CACNA2D3: variants seen among roughly 807,000 people sequenced by gnomAD.
CACNA2D3 encodes the protein calcium voltage-gated channel auxiliary subunit alpha2delta 3, also known as voltage-dependent calcium channel subunit alpha-2/delta-3.
Under a neutral mutation model 160.6 loss-of-function variants are expected in CACNA2D3, and 60 were observed. The ratio of observed to expected loss-of-function variants is 0.37; its 90% CI spans 0.30 to 0.46. The LOEUF (loss-of-function observed/expected upper bound fraction) is 0.46, where lower values mean the gene tolerates loss of function less well. CACNA2D3 is among the 20% of genes least tolerant of loss of function. CACNA2D3 has a pLI of 1.00. For missense variants in CACNA2D3, 1,205 were observed against 1,365.0 expected (o/e 0.88, Z 1.85); for synonymous variants, 558 against 492.9 (o/e 1.13, Z -1.75).
chr3:55,038,907 T>TATATATAC (rs1553636480), intron 35 of CACNA2D3, among the ~76,000 whole-genome samples: 11 of 113,060 alleles, frequency 9.7e-5, no homozygotes, highest in African/African-American at 3.2e-4. Flanking sequence ...TATATATATA[T>TATATATAC]ACACACACTG....
Position 54,355,726 on chromosome 3 carries a change from G to T in CACNA2D3, c.322-30989G>T, listed in dbSNP as rs189167626. On this transcript the variant is annotated intron_variant, in intron 3 of 37. Coordinates refer to ENST00000474759, the MANE Select transcript of CACNA2D3 (RefSeq NM_018398.3). ...GGCCTAAGCCCAGGGCAGGAGTAAAGGTAGGACATGGAGGCCTTGGAGGAT... is the reference window on the plus strand; with the variant it reads ...GGCCTAAGCCCAGGGCAGGAGTAAATGTAGGACATGGAGGCCTTGGAGGAT... Among the ~76,000 whole-genome samples, 951 of 152,200 alleles carry T rather than the reference G, an allele frequency of 6.2e-3. 5 individuals are homozygous for T. The highest frequency in any genetic ancestry group is 0.022 in the African/African-American group (894 of 41,554).
intron 2 of CACNA2D3, among the ~76,000 whole-genome samples, chr3:54,259,549 G>T (rs546779139): frequency 3.9e-5 from 6 of 152,116 alleles, no homozygotes; most frequent in Non-Finnish European, 7.4e-5. Context: ...TGCTTTTACC[G>T]TGTGGTGGGA....
intron 31 of CACNA2D3, among the ~76,000 whole-genome samples, chr3:54,996,993 A>C (rs1702872643): frequency 6.6e-6 from 1 of 152,042 alleles, no homozygotes; most frequent in South Asian, 2.1e-4. Context: ...GGACACAGGG[A>C]GGGGAACATC....
chr3:54,125,242 T>TACACACA (rs1699566168), intron 2 of CACNA2D3, among the ~76,000 whole-genome samples: 1 of 147,944 alleles, frequency 6.8e-6, no homozygotes, highest in Non-Finnish European at 1.5e-5. Context: ...TCTTTGAAGT[T>TACACACA]ACACACACAC....
chr3:54,172,570 A>G (rs369448460), intron 2 of CACNA2D3, among the ~76,000 whole-genome samples: 1 of 152,236 alleles, frequency 6.6e-6, no homozygotes, highest in Non-Finnish European at 1.5e-5. Flanking sequence ...TACTAATTCT[A>G]TATAACATAT....
chr3:54,272,626 G>C (rs1702643504), intron 2 of CACNA2D3: 1 of 151,694 alleles, frequency 6.6e-6, no homozygotes, highest in Non-Finnish European at 1.5e-5. Context: ...AGACACAGCT[G>C]GGTCTGGCTG....
At chr3:54,217,106 A>G (rs1032332871) in intron 2 of CACNA2D3, among the ~76,000 whole-genome samples, 10 of 152,180 alleles carry the variant, frequency 6.6e-5, no homozygotes, top group Admixed American at 2.6e-4. Flanking sequence ...ACAGTGAGCA[A>G]GGCACAGTGT....
At chr3:54,749,520 C>T (rs1267070216) in intron 11 of CACNA2D3, among the ~76,000 whole-genome samples, 2 of 151,700 alleles carry the variant, frequency 1.3e-5, no homozygotes, top group African/African-American at 4.8e-5. Context: ...TTTGTTATTC[C>T]AGCTATAAGA....
intron 11 of CACNA2D3, among the ~76,000 whole-genome samples, chr3:54,726,312 A>G (rs926407863): frequency 1.3e-5 from 2 of 152,230 alleles, no homozygotes; most frequent in Non-Finnish European, 2.9e-5. Context: ...GGAAGAATCA[A>G]TATGGTGAAA....
chr3:54,626,711 AAAG>A (rs1699123163), intron 9 of CACNA2D3: 3 of 713,498 alleles, frequency 4.2e-6, no homozygotes, highest in African/African-American at 4.5e-5. Context: ...AAAAAAAAAG[AAAG>A]AAAAAGAAAG....
chr3:54,408,502 TAGAA>T (rs765165235), intron 4 of CACNA2D3, among the ~76,000 whole-genome samples: 5 of 152,186 alleles, frequency 3.3e-5, no homozygotes, highest in Non-Finnish European at 7.3e-5. Flanking sequence ...TCAGCATAAA[TAGAA>T]AGACCCATCT....
intron 13 of CACNA2D3, among the ~76,000 whole-genome samples, chr3:54,777,137 A>C (rs1447887611): frequency 6.6e-6 from 1 of 152,190 alleles, no homozygotes; most frequent in East Asian, 1.9e-4. Context: ...TCCATGTGAA[A>C]GATTTCATTC....
chr3:54,645,477 C>T (rs537282976), intron 11 of CACNA2D3, among the ~76,000 whole-genome samples: 34 of 152,338 alleles, frequency 2.2e-4, no homozygotes, highest in African/African-American at 6.3e-4. Context: ...CCGCTGCTGG[C>T]GCTGAGCAGC....
intron 9 of CACNA2D3, among the ~76,000 whole-genome samples, chr3:54,598,432 C>T (rs1703001670): frequency 6.7e-6 from 1 of 149,534 alleles, no homozygotes. Flanking sequence ...GCTTTTAGAA[C>T]ATTTTGCCCA....
At chr3:54,560,048 G>A (rs1702301161) in intron 5 of CACNA2D3, among the ~76,000 whole-genome samples, 1 of 152,138 alleles carries the variant, frequency 6.6e-6, no homozygotes, top group Non-Finnish European at 1.5e-5. Context: ...CTGAACATAT[G>A]CATGGGTGTA....
At chr3:54,701,562 G>T (rs1044796776) in intron 11 of CACNA2D3, among the ~76,000 whole-genome samples, 1 of 152,088 alleles carries the variant, frequency 6.6e-6, no homozygotes, top group African/African-American at 2.4e-5. Flanking sequence ...TCTACAACAC[G>T]AATTACAAAA....
At chr3:54,725,137 CTA>C (rs1701252683) in intron 11 of CACNA2D3, among the ~76,000 whole-genome samples, 1 of 152,162 alleles carries the variant, frequency 6.6e-6, no homozygotes, top group South Asian at 2.1e-4. Context: ...ATAAACACCT[CTA>C]TGCAAATAAA....
In CACNA2D3 at chr3:54,918,380, A is replaced by G. The variant is rs1700724838; in HGVS notation, c.2449+18512A>G. On this transcript the variant is annotated intron_variant, in intron 27 of 37. Coordinates refer to ENST00000474759, the MANE Select transcript of CACNA2D3 (RefSeq NM_018398.3). ...TGTCTTTTGGCAAAAGCAAAATCAGACTAACAGGAAACACATCAGCCCTAC... is the reference window on the plus strand; with the variant it reads ...TGTCTTTTGGCAAAAGCAAAATCAGGCTAACAGGAAACACATCAGCCCTAC... 3 of 969,382 alleles carry G rather than the reference A, an allele frequency of 3.1e-6. No homozygotes were observed. The South Asian group carries it at 9.1e-5, about 29-fold the overall frequency. The allele number at this position is 969,382 out of a possible 1,614,324, so 60.0% of individuals were successfully genotyped here.
intron 21 of CACNA2D3, among the ~76,000 whole-genome samples, chr3:54,881,888 G>A (rs1005152170): frequency 5.3e-5 from 8 of 152,344 alleles, no homozygotes; most frequent in Admixed American, 2.6e-4. Flanking sequence ...TCCCTGAGAC[G>A]CCAAACCCCT....
Sources: allele counts gnomAD v4.1 joint callset (sites outside exome capture counted in the v4.1 genomes callset), GRCh38; gene constraint gnomAD v4.1.1; transcripts MANE v1.5; gene names NCBI Gene and HGNC (gene_info 2026-07-23, HGNC 2026-07-21).